TENM1: variants seen among roughly 807,000 people sequenced by gnomAD.
The protein encoded by TENM1 is teneurin transmembrane protein 1, also known as teneurin-1.
A neutral mutation model predicts 174.8 loss-of-function variants in TENM1; 35 were observed. The observed-to-expected ratio is 0.20, with a 90% confidence interval of 0.15 to 0.27. TENM1 has a LOEUF of 0.27. Among genes scored for constraint, TENM1 ranks in the 10% least tolerant of loss-of-function variants. The probability of loss-of-function intolerance (pLI) is 1.00; values close to 1 mark genes in which losing one functional copy is unlikely to be tolerated. For missense variants in TENM1, 1,633 were observed against 2,130.1 expected (o/e 0.77, Z 4.59); for synonymous variants, 781 against 798.7 (o/e 0.98, Z 0.37).
intron 5 of TENM1, among the ~76,000 whole-genome samples, chrX:124,686,930 C>G (rs2052380581): frequency 9.0e-6 from 1 of 111,031 alleles, no homozygotes; most frequent in African/African-American, 3.3e-5. Flanking sequence ...GGCAAGCAGG[C>G]AAGAGAAAGA....
chrX:124,414,843 C>T (rs1263998425), intron 25 of TENM1, among the ~76,000 whole-genome samples: 2 of 111,692 alleles, frequency 1.8e-5, no homozygotes, highest in Non-Finnish European at 3.8e-5. Flanking sequence ...CTTTACACTG[C>T]AGTCTTCCAT....
At chrX:124,730,117 G>T (rs908651426) in intron 4 of TENM1, among the ~76,000 whole-genome samples, 3 of 110,645 alleles carry the variant, frequency 2.7e-5, no homozygotes, top group African/African-American at 9.9e-5. Flanking sequence ...TGATCCACCC[G>T]CCTCAGCCTC....
the TENM1 span, among the ~76,000 whole-genome samples, chrX:125,055,310 G>A: frequency 5.4e-5 from 6 of 111,459 alleles, no homozygotes; most frequent in Non-Finnish European, 9.4e-5. Flanking sequence ...TGTCAGGGCT[G>A]GGATTTGAAT....
chrX:125,162,927 T>C, the TENM1 span, among the ~76,000 whole-genome samples: 1 of 111,324 alleles, frequency 9.0e-6, no homozygotes, highest in Admixed American at 9.6e-5. Context: ...TTTCATTTAA[T>C]AGCACCCACA....
At chrX:124,964,062 C>G (rs1316811453), upstream of TENM1, among the ~76,000 whole-genome samples, 1 of 111,906 alleles carries the variant, frequency 8.9e-6, no homozygotes, top group African/African-American at 3.2e-5. Flanking sequence ...AGAGAGACAG[C>G]CTTCAAAAAT....
intron 25 of TENM1, among the ~76,000 whole-genome samples, chrX:124,415,431 C>T (rs1043219908): frequency 9.0e-6 from 1 of 111,478 alleles, no homozygotes; most frequent in Admixed American, 9.5e-5. Flanking sequence ...CTTTTCATCT[C>T]CTGGTGCTAC....
At chrX:125,183,242 G>C in the TENM1 span, among the ~76,000 whole-genome samples, 29 of 111,572 alleles carry the variant, frequency 2.6e-4, no homozygotes, top group African/African-American at 8.8e-4. Context: ...AATCTGACGT[G>C]AGACAGAAAA....
In TENM1 at chrX:124,661,052, A is replaced by T. The variant is rs184121519; in HGVS notation, c.1169-7269T>A. Among the ~76,000 whole-genome samples, 6 of 112,172 alleles carry T rather than the reference A, an allele frequency of 5.3e-5. No homozygotes were observed. In the East Asian group the frequency reaches 1.7e-3, roughly 31 times the overall value. On this transcript the variant is annotated intron_variant, in intron 6 of 31. Transcript: ENST00000422452. ...ATATTATGGAATATTATTCAGCCATAAAAATGAAGTATTGATACATTGCTG... is the reference window on the plus strand; with the variant it reads ...ATATTATGGAATATTATTCAGCCATTAAAATGAAGTATTGATACATTGCTG...
At chrX:124,816,796 T>C (rs374152082) in intron 3 of TENM1, among the ~76,000 whole-genome samples, 42 of 111,560 alleles carry the variant, frequency 3.8e-4, no homozygotes, top group African/African-American at 1.3e-3. Flanking sequence ...ACATTCCATA[T>C]AAAATCTGCC....
the TENM1 span, among the ~76,000 whole-genome samples, chrX:125,088,210 C>T: frequency 9.0e-6 from 1 of 111,124 alleles, no homozygotes; most frequent in Non-Finnish European, 1.9e-5. Context: ...AGACAAATTC[C>T]AACAGAGGGA....
the TENM1 span, among the ~76,000 whole-genome samples, chrX:125,103,358 G>T: frequency 9.0e-6 from 1 of 111,076 alleles, no homozygotes. Flanking sequence ...GTCTCATTTT[G>T]TTTTCATTTG....
intron 4 of TENM1, among the ~76,000 whole-genome samples, chrX:124,709,080 G>A (rs1175630296): frequency 8.9e-6 from 1 of 111,793 alleles, no homozygotes; most frequent in African/African-American, 3.2e-5. Flanking sequence ...GTAGAGCGGT[G>A]ATAATAGTAA....
chrX:124,770,386 GTATAT>G (rs1339221662), intron 3 of TENM1, among the ~76,000 whole-genome samples: 4 of 111,230 alleles, frequency 3.6e-5, no homozygotes, highest in Non-Finnish European at 5.6e-5. Flanking sequence ...ACAAAGCATA[GTATAT>G]TATATTTACA....
rs1252917779 is a variant in TENM1, at chrX:124,577,425, T to G, written c.2078-11865A>C. 4.9e-5 allele frequency among the ~76,000 whole-genome samples: 5 copies of G among 101,500 alleles called. No homozygotes were observed. In the East Asian group the frequency reaches 1.3e-3, roughly 25 times the overall value. 88.1% of individuals were successfully genotyped at this position (101,500 alleles called of 115,157 possible). The stretch of plus-strand genomic sequence containing the variant: ...CGTAAAGAACCCAGAGTCAACAAAA[T>G]CCTCAGCATGATGAAGAAAAAAGGC... On this transcript the variant is annotated intron_variant, in intron 11 of 31. Transcript: ENST00000422452.
the TENM1 span, among the ~76,000 whole-genome samples, chrX:125,182,326 C>G: frequency 5.5e-5 from 6 of 109,368 alleles, no homozygotes; most frequent in Non-Finnish European, 9.5e-5. Context: ...GATAATCTCC[C>G]TATTTTAAGG....
chrX:124,377,427 A>G (rs1326081183), exon 32 of TENM1: 1 of 111,536 alleles, frequency 9.0e-6, no homozygotes, highest in Non-Finnish European at 1.9e-5. Flanking sequence ...ATATGGTAAA[A>G]GTGTTTTGTT....
chrX:124,639,322 G>A (rs1282125246), intron 11 of TENM1, among the ~76,000 whole-genome samples: 1 of 111,466 alleles, frequency 9.0e-6, no homozygotes, highest in Non-Finnish European at 1.9e-5. Context: ...TGAAATGTTC[G>A]TTCCTCTCTT....
chrX:124,454,577 G>A (rs1263926827), intron 22 of TENM1, among the ~76,000 whole-genome samples: 1 of 110,960 alleles, frequency 9.0e-6, no homozygotes, highest in East Asian at 2.8e-4. Context: ...CTAGTTTTTT[G>A]TATTTTTAGT....
upstream of TENM1, among the ~76,000 whole-genome samples, chrX:124,968,482 G>C (rs775856710): frequency 9.0e-6 from 1 of 111,004 alleles, no homozygotes; most frequent in Non-Finnish European, 1.9e-5. Flanking sequence ...TATTTGTAAC[G>C]AGAGAGAGAG....
Sources: gnomAD v4.1 joint callset for allele counts (sites outside exome capture counted in the v4.1 genomes callset) on GRCh38, gnomAD v4.1.1 for gene constraint, MANE v1.5 for transcripts, NCBI Gene and HGNC (gene_info 2026-07-23, HGNC 2026-07-21) for gene names.